The following GNG7 variants were observed in gnomAD, a reference collection of about 807,000 sequenced individuals.
GNG7 encodes guanine nucleotide-binding protein G(I)/G(S)/G(O) subunit gamma-7.
GNG7 carries 1 observed loss-of-function variant against 4.0 expected under a neutral mutation model. The observed-to-expected ratio is 0.25, with a 90% CI of 0.09 to 1.18. The LOEUF (loss-of-function observed/expected upper bound fraction) is 1.18. GNG7 is among the 50% of genes most tolerant of loss of function. The probability of loss-of-function intolerance (pLI) is 0.50; values close to 1 mark genes in which losing one functional copy is unlikely to be tolerated. For missense variants in GNG7, 86 were observed against 91.9 expected, an observed-to-expected ratio of 0.94 and a Z score of 0.26; for synonymous variants, 34 against 36.9, an observed-to-expected ratio of 0.92 and a Z score of 0.29.
chr19:2,632,497 C>G (rs1982189407), intron 2 of GNG7: 1 of 151,716 alleles, frequency 6.6e-6, no homozygotes, highest in Non-Finnish European at 1.5e-5. Flanking sequence ...CACACACACA[C>G]ACACACACAC....
At chr19:2,655,223 CAA>C (rs201424330) in intron 1 of GNG7, among the ~76,000 whole-genome samples, 5,538 of 141,174 alleles carry the variant, frequency 0.039, 192 homozygotes, top group African/African-American at 0.088. Context: ...CACACAAAAA[CAA>C]AAAGAGACCC....
intron 3 of GNG7, among the ~76,000 whole-genome samples, chr19:2,553,618 T>C (rs372013482): frequency 1.0e-4 from 11 of 109,646 alleles, no homozygotes; most frequent in Non-Finnish European, 1.6e-4. Context: ...TCATACTACA[T>C]ACATGCACAC....
At chr19:2,594,123 C>T (rs993883327) in intron 2 of GNG7, among the ~76,000 whole-genome samples, 10 of 152,094 alleles carry the variant, frequency 6.6e-5, no homozygotes, top group African/African-American at 2.2e-4. Flanking sequence ...GTAATCCCAG[C>T]GCTTTGGGAG....
rs113323603 is a variant in GNG7 at position 2,614,106 on chromosome 19, C to T, written c.-78+32118G>A. Among the ~76,000 whole-genome samples the T allele has an allele frequency of 0.079, 11,976 of 152,230 alleles. 877 individuals carry two copies. Among genetic ancestry groups the T allele is most frequent in the African/African-American group, 0.19 (7,985 of 41,512 alleles). ...GTGGGTCCGTTGCAGGCGTCTGTTGCGAGACCACATCCTCACCACCCGGTG... is the reference window on the plus strand; with the variant it reads ...GTGGGTCCGTTGCAGGCGTCTGTTGTGAGACCACATCCTCACCACCCGGTG... On this transcript the variant is annotated intron_variant, in intron 2 of 4. Coordinates refer to ENST00000382159, the MANE Select transcript of GNG7 (RefSeq NM_052847.3). The surrounding 1 kb of genome is among the most constrained non-coding windows in gnomAD (Gnocchi z 6.0).
In GNG7 at chr19:2,553,964, A is replaced by G. The variant is rs981686512; in HGVS notation, c.-38+1185T>C. ...ATATATTATATGTAATATATATTAC[A>G]CATATGTATATATTATATGTAATAT... On this transcript the variant is annotated intron_variant, in intron 3 of 4. Transcript: ENST00000382159. Among the ~76,000 whole-genome samples the G allele has an allele frequency of 7.7e-4, 94 of 122,382 alleles. 3 individuals carry two copies. The highest frequency in any genetic ancestry group is 5.1e-3 in the Admixed American group (52 of 10,110). 80.3% of individuals were successfully genotyped at this position (122,382 alleles called of 152,430 possible).
chr19:2,696,702 A>G (rs8103602), intron 1 of GNG7, among the ~76,000 whole-genome samples: 2,563 of 152,328 alleles, frequency 0.017, 69 homozygotes, highest in African/African-American at 0.059. Context: ...AGTGAGAGAC[A>G]CCAGACACAA....
At chr19:2,695,724 C>G (rs965693306) in intron 1 of GNG7, among the ~76,000 whole-genome samples, 4 of 152,026 alleles carry the variant, frequency 2.6e-5, no homozygotes, top group Non-Finnish European at 5.9e-5. Flanking sequence ...GGGAAGTGAC[C>G]GTCTGATCAG....
chr19:2,642,785 CG>C, intron 2 of GNG7: 1 of 456,726 alleles, frequency 2.2e-6, no homozygotes, highest in Non-Finnish European at 4.4e-6. Flanking sequence ...TGAGCCATGG[CG>C]CCCGGCCAGA....
chr19:2,593,266 C>T (rs763968486), intron 2 of GNG7, among the ~76,000 whole-genome samples: 3 of 152,040 alleles, frequency 2.0e-5, no homozygotes, highest in Non-Finnish European at 4.4e-5. Context: ...TTCTTAATCT[C>T]TGCCTCTCTT....
intron 2 of GNG7, among the ~76,000 whole-genome samples, chr19:2,581,721 G>C (rs1177293416): frequency 6.6e-6 from 1 of 152,220 alleles, no homozygotes; most frequent in Non-Finnish European, 1.5e-5. Context: ...CACCCAACAG[G>C]TGTTGAAACA....
intron 2 of GNG7, among the ~76,000 whole-genome samples, chr19:2,573,019 CTTTT>C (rs1201908411): frequency 1.5e-5 from 2 of 132,824 alleles, no homozygotes; most frequent in Admixed American, 7.7e-5. Flanking sequence ...GAAATTTCTC[CTTTT>C]TTTTTTTTTT....
At chr19:2,691,475 C>T (rs1399943291) in intron 1 of GNG7, among the ~76,000 whole-genome samples, 11 of 151,790 alleles carry the variant, frequency 7.2e-5, no homozygotes, top group Non-Finnish European at 1.3e-4. Context: ...GCCTGGGAGG[C>T]GGAGGTTGCA....
chr19:2,623,376 GA>G (rs1380868721), intron 2 of GNG7, among the ~76,000 whole-genome samples: 1 of 151,864 alleles, frequency 6.6e-6, no homozygotes, highest in African/African-American at 2.4e-5. Flanking sequence ...GAGGGGCTCG[GA>G]CAGATACTTG....
intron 1 of GNG7, among the ~76,000 whole-genome samples, chr19:2,646,684 C>A (rs1315870472): frequency 1.6e-4 from 23 of 143,800 alleles, no homozygotes; most frequent in South Asian, 4.5e-4. Context: ...GACTCTGCTT[C>A]AAAAAAAAAA....
rs112342058 is a variant in GNG7 at position 2,682,140 on chromosome 19, C to T, written c.-135+20506G>A. Among the ~76,000 whole-genome samples the T allele has an allele frequency of 1.8e-4, 28 of 151,420 alleles. 2 individuals are homozygous for T. The highest frequency in any genetic ancestry group is 6.5e-4 in the African/African-American group (27 of 41,310). On this transcript the variant is annotated intron_variant, in intron 1 of 4. Transcript: ENST00000382159. Reference sequence around the variant, plus strand: ...GCCAGGCTGGTCTTGAACTCCTCACCTCAGGTGATCCACCCACCTTGGCCT... The same window carrying T: ...GCCAGGCTGGTCTTGAACTCCTCACTTCAGGTGATCCACCCACCTTGGCCT...
chr19:2,544,996 C>T (rs752289208), intron 3 of GNG7, among the ~76,000 whole-genome samples: 1 of 152,152 alleles, frequency 6.6e-6, no homozygotes, highest in Admixed American at 6.5e-5. Flanking sequence ...AGGGGGACCC[C>T]CAACTCCTGG....
chr19:2,532,708 A>C (rs1274079005), intron 3 of GNG7, among the ~76,000 whole-genome samples: 1 of 152,218 alleles, frequency 6.6e-6, no homozygotes. Context: ...TCTAATGATT[A>C]GTCATGAAGG....
rs560342190 is a variant in GNG7 at position 2,629,450 on chromosome 19, A to G, written c.-78+16774T>C. On this transcript the variant is annotated intron_variant, in intron 2 of 4. Coordinates refer to ENST00000382159, the MANE Select transcript of GNG7 (RefSeq NM_052847.3). ...ACACAGAGTCACAGACGGGTCAGGT[A>G]AGTTGCCTGGGCGCCCACACGAATA... Among the ~76,000 whole-genome samples the G allele has an allele frequency of 2.0e-5, 3 of 152,258 alleles. No homozygotes were observed. The East Asian group carries it at 5.8e-4, about 29-fold the overall frequency.
Position 2,512,905 on chromosome 19 carries a change from G to T in GNG7, c.*2117C>A. 2.1e-5 allele frequency: 21 copies of T among 985,222 alleles called. No individual in the cohort carries two copies. The highest frequency in any genetic ancestry group is 2.5e-5 in the Non-Finnish European group (21 of 829,792). 61.0% of individuals were successfully genotyped at this position (985,222 alleles called of 1,614,324 possible). A position where few individuals can be genotyped will look rare whatever the true frequency, so the allele number is the denominator to read the frequency against. ...CATTCCTGCTATGCGTGGTGGGGAC[G>T]CCCACACCCCAAACCCTGCCGGCTC... On this transcript the variant is annotated 3_prime_UTR_variant, in exon 5 of 5. Coordinates refer to ENST00000382159, the MANE Select transcript of GNG7 (RefSeq NM_052847.3). The surrounding 1 kb of genome is among the most constrained non-coding windows in gnomAD (Gnocchi z 4.7).
Sources: gnomAD v4.1 joint callset for allele counts (sites outside exome capture counted in the v4.1 genomes callset) on GRCh38, gnomAD v4.1.1 for gene constraint, Gnocchi (gnomAD v3.1) non-coding constraint, MANE v1.5 for transcripts, NCBI Gene and HGNC (gene_info 2026-07-23, HGNC 2026-07-21) for gene names.